RND3: variants seen among roughly 807,000 people sequenced by gnomAD.
RND3 encodes the protein Rho family GTPase 3.
Under a neutral mutation model 26.5 loss-of-function variants are expected in RND3, and 8 were observed. The ratio of observed to expected loss-of-function variants is 0.30; its 90% CI spans 0.18 to 0.54. RND3 has a LOEUF of 0.54. Ranked by LOEUF, RND3 falls within the 20% of genes least tolerant of loss-of-function variation. The pLI is 0.94. For missense variants in RND3, 207 were observed against 302.8 expected, an observed-to-expected ratio of 0.68 and a Z score of 2.35; for synonymous variants, 113 against 113.0, an observed-to-expected ratio of 1.00 and a Z score of 0.00.
intron 4 of RND3, among the ~76,000 whole-genome samples, chr2:150,473,018 C>CTTCCTTCT (rs1462150517): frequency 2.0e-5 from 3 of 149,682 alleles, no homozygotes; most frequent in Admixed American, 1.3e-4. Flanking sequence ...CCCTTCCTTC[C>CTTCCTTCT]TTCCTTCTTT....
At chr2:150,478,726 T>A (rs1686216150) in intron 3 of RND3, among the ~76,000 whole-genome samples, 1 of 152,096 alleles carries the variant, frequency 6.6e-6, no homozygotes, top group Non-Finnish European at 1.5e-5. Context: ...CAACTTTAAC[T>A]GCAGTACATG....
In RND3 at chr2:150,474,847, A is replaced by G. The variant is rs367783014; in HGVS notation, c.348+28T>C. Reference sequence around the variant, plus strand: ...TCTATTTATACATCACCCAGTACTGAAGTGTGTCATCATTTCCCAGCACTT... The same window carrying G: ...TCTATTTATACATCACCCAGTACTGGAGTGTGTCATCATTTCCCAGCACTT... On this transcript the variant is annotated intron_variant, in intron 4 of 5. Coordinates refer to ENST00000263895, the MANE Select transcript of RND3 (RefSeq NM_005168.5). 9.1e-5 allele frequency: 116 copies of G among 1,270,980 alleles called. 2 individuals carry two copies. In the South Asian group the frequency reaches 1.3e-3, roughly 15 times the overall value. The allele number at this position is 1,270,980 out of a possible 1,614,324, so 78.7% of individuals were successfully genotyped here.
In RND3 at chr2:150,486,621, T is replaced by G. The variant is rs1686368783; in HGVS notation, c.238+73A>C. 1 of 1,101,956 alleles carries G rather than the reference T, an allele frequency of 9.1e-7. No individual in the cohort carries two copies. The highest frequency in any genetic ancestry group is 1.4e-6 in the Non-Finnish European group (1 of 713,232). 68.3% of individuals were successfully genotyped at this position (1,101,956 alleles called of 1,614,324 possible). ...CGCAGACGGCTTGTAGCGCGCGGTTTCCCGAGACCCGCCGCGCATCCCCCA... is the reference window on the plus strand; with the variant it reads ...CGCAGACGGCTTGTAGCGCGCGGTTGCCCGAGACCCGCCGCGCATCCCCCA... On this transcript the variant is annotated intron_variant, in intron 3 of 5. Coordinates refer to ENST00000263895, the MANE Select transcript of RND3 (RefSeq NM_005168.5). This position sits in a 1 kb window ranked among gnomAD's most constrained non-coding sequence, Gnocchi z 4.5.
intron 3 of RND3, among the ~76,000 whole-genome samples, chr2:150,480,584 A>G (rs1686254581): frequency 1.3e-5 from 2 of 152,276 alleles, no homozygotes; most frequent in East Asian, 1.9e-4. Flanking sequence ...AGAATGACCA[A>G]TTTGGATGCT....
chr2:150,470,086 T>C lies in RND3; in HGVS notation c.636A>G (p.Arg212=), dbSNP rs1189903110. 4.3e-6 allele frequency: 7 copies of C among 1,614,118 alleles called. No individual in the cohort carries two copies. Among genetic ancestry groups the C allele is most frequent in the Non-Finnish European group, 5.9e-6 (7 of 1,179,970 alleles). ...NKNVKRNKSQ[R]ATKRISHMPS... ...GCATGTGTGAAATCCGCTTTGTGGC[T>C]CTCTGTGATTTGTTCCGCTTAACGT... The change falls in exon 6 of 6, where the codon AGA becomes AGG. Residue 212 remains arginine (R), a synonymous_variant. Coordinates refer to ENST00000263895, the MANE Select transcript of RND3 (RefSeq NM_005168.5).
chr2:150,482,647 G>C (rs986816462), intron 3 of RND3, among the ~76,000 whole-genome samples: 1 of 148,346 alleles, frequency 6.7e-6, no homozygotes, highest in African/African-American at 2.5e-5. Context: ...TGTTGGGGGG[G>C]CTGGAGTACT....
intron 3 of RND3, 63 bp from the exon 4 acceptor site, chr2:150,475,047 C>T: frequency 1.0e-6 from 1 of 983,250 alleles, no homozygotes; most frequent in Admixed American, 1.8e-5. Flanking sequence ...CATGCATTAA[C>T]TCTACCCTTT....
At position 150,478,579 on chromosome 2, in the gene RND3, C is replaced by CAAAAAAAAAAAAAAAAAA. The variant is rs1229770069; in HGVS notation, c.239-3613_239-3596dup. On this transcript the variant is annotated intron_variant, in intron 3 of 5. Coordinates refer to ENST00000263895, the MANE Select transcript of RND3 (RefSeq NM_005168.5). The stretch of plus-strand genomic sequence containing the variant: ...TACAACACCCTGTGAAGCCAAACGG[C>CAAAAAAAAAAAAAAAAAA]AAAAAAAAAAAAAAAAAATTAACTT... Among the ~76,000 whole-genome samples, 52 of 106,374 alleles carry CAAAAAAAAAAAAAAAAAA rather than the reference C, an allele frequency of 4.9e-4. 1 individual carries two copies. The highest frequency in any genetic ancestry group is 1.8e-3 in the African/African-American group (48 of 27,052). 69.8% of individuals were successfully genotyped at this position (106,374 alleles called of 152,430 possible). A position where few individuals can be genotyped will look rare whatever the true frequency, so the allele number is the denominator to read the frequency against.
chr2:150,483,019 G>T (rs1461343026), intron 3 of RND3, among the ~76,000 whole-genome samples: 3 of 152,070 alleles, frequency 2.0e-5, no homozygotes, highest in African/African-American at 7.2e-5. Flanking sequence ...GTTTATAGTG[G>T]ATGCGGGAAA....
chr2:150,483,473 G>A (rs1422466704), intron 3 of RND3, among the ~76,000 whole-genome samples: 3 of 152,224 alleles, frequency 2.0e-5, no homozygotes, highest in African/African-American at 4.8e-5. Flanking sequence ...GAACTTTACA[G>A]ACTTGGCTGG....
At chr2:150,477,971 CTTAGTTA>C (rs972335893) in intron 3 of RND3, among the ~76,000 whole-genome samples, 6 of 152,060 alleles carry the variant, frequency 3.9e-5, no homozygotes, top group African/African-American at 1.4e-4. Flanking sequence ...TCCCATATTT[CTTAGTTA>C]TAAGCATAAT....
In RND3 at chr2:150,486,433, T is replaced by G. The variant is rs1686363845; in HGVS notation, c.238+261A>C. 6.6e-6 allele frequency among the ~76,000 whole-genome samples: 1 copy of G among 152,238 alleles called. No homozygotes were observed. The highest frequency in any genetic ancestry group is 1.5e-5 in the Non-Finnish European group (1 of 68,036). Reference sequence around the variant, plus strand: ...CTTGACCACGACTCCGCGGGCGGACTGCGCCTGGCCACTAGTGGCTCCAAC... The same window carrying G: ...CTTGACCACGACTCCGCGGGCGGACGGCGCCTGGCCACTAGTGGCTCCAAC... On this transcript the variant is annotated intron_variant, in intron 3 of 5. Coordinates refer to ENST00000263895, the MANE Select transcript of RND3 (RefSeq NM_005168.5). The surrounding 1 kb of genome is among the most constrained non-coding windows in gnomAD (Gnocchi z 4.5).
At chr2:150,477,507 C>G (rs13405196) in intron 3 of RND3, among the ~76,000 whole-genome samples, 22,276 of 152,166 alleles carry the variant, frequency 0.15, 1,755 homozygotes, top group African/African-American at 0.19. Context: ...CCCCTCCCCC[C>G]TTTGTGGACT....
At chr2:150,473,202 T>C (rs1686114900) in intron 4 of RND3, among the ~76,000 whole-genome samples, 1 of 151,502 alleles carries the variant, frequency 6.6e-6, no homozygotes, top group Non-Finnish European at 1.5e-5. Context: ...TCTTTGATAG[T>C]GAAGGACTTA....
At chr2:150,471,234 G>T (rs1005804921) in intron 5 of RND3, among the ~76,000 whole-genome samples, 3 of 152,230 alleles carry the variant, frequency 2.0e-5, no homozygotes, top group Admixed American at 1.3e-4. Flanking sequence ...CTAAATACTT[G>T]GGGGAAATGC....
intron 5 of RND3, among the ~76,000 whole-genome samples, chr2:150,470,675 G>A (rs969065193): frequency 3.9e-5 from 6 of 152,136 alleles, no homozygotes; most frequent in African/African-American, 7.2e-5. Context: ...ATGGAATGGC[G>A]CAGAGAAGCT....
In RND3 at chr2:150,486,180, G is replaced by T. The variant is rs994922543; in HGVS notation, c.238+514C>A. 2.0e-4 allele frequency among the ~76,000 whole-genome samples: 30 copies of T among 152,118 alleles called. No homozygotes were observed. Among genetic ancestry groups the T allele is most frequent in the African/African-American group, 7.0e-4 (29 of 41,512 alleles). ...TGTAGGCGTCACGGGCGCCGCGGCT[G>T]CCTGCGCTCAGTTTCTTTCCCTCAA... On this transcript the variant is annotated intron_variant, in intron 3 of 5. Transcript: ENST00000263895. The surrounding 1 kb of genome is among the most constrained non-coding windows in gnomAD (Gnocchi z 4.5).
At chr2:150,472,585 A>T (rs1401239779) in intron 4 of RND3, among the ~76,000 whole-genome samples, 1 of 152,184 alleles carries the variant, frequency 6.6e-6, no homozygotes, top group Non-Finnish European at 1.5e-5. Flanking sequence ...TGAGCTCTGC[A>T]ACAGCATGGG....
At position 150,471,764 on chromosome 2, in the gene RND3, ATG is replaced by A; in HGVS notation, c.349-5_349-4del. ...AATTCCTGGATTTCACCTTTCCACT[ATG>A]AAAGAAAAAAAAAAAAGATTAAAAA... is the stretch of plus-strand genomic sequence containing the variant. On this transcript the variant is annotated splice_region_variant and splice_polypyrimidine_tract_variant and intron_variant, in intron 4 of 5. Coordinates refer to ENST00000263895, the MANE Select transcript of RND3 (RefSeq NM_005168.5). 1 of 1,473,460 alleles carries A rather than the reference ATG, an allele frequency of 6.8e-7. No individual in the cohort carries two copies. The highest frequency in any genetic ancestry group is 2.5e-5 in the African/African-American group (1 of 39,948). 91.3% of individuals were successfully genotyped at this position (1,473,460 alleles called of 1,614,324 possible). A position where few individuals can be genotyped will look rare whatever the true frequency, so the allele number is the denominator to read the frequency against.
Sources: allele counts gnomAD v4.1 joint callset (sites outside exome capture counted in the v4.1 genomes callset), GRCh38; gene constraint gnomAD v4.1.1; non-coding constraint Gnocchi (gnomAD v3.1); transcripts MANE v1.5; gene names NCBI Gene and HGNC (gene_info 2026-07-23, HGNC 2026-07-21).